Variants in PRKD3 observed in about 807,000 individuals in gnomAD.
The protein encoded by PRKD3 is serine/threonine-protein kinase D3.
Under a neutral mutation model 99.2 loss-of-function variants are expected in PRKD3, and 47 were observed. The ratio of observed to expected loss-of-function variants is 0.47; its 90% confidence interval spans 0.38 to 0.60. The LOEUF (loss-of-function observed/expected upper bound fraction) is 0.60. Among genes scored for constraint, PRKD3 ranks in the 20% least tolerant of loss-of-function variants. PRKD3 has a pLI of 0.00. For missense variants in PRKD3, 1,019 were observed against 1,088.4 expected, an observed-to-expected ratio of 0.94 and a Z score of 0.90; for synonymous variants, 392 against 355.4, an observed-to-expected ratio of 1.10 and a Z score of -1.16.
At chr2:37,293,303 C>A (rs996359718) in intron 2 of PRKD3, 32 bp from the exon 3 acceptor site, 1 of 1,491,328 alleles carries the variant, frequency 6.7e-7, no homozygotes, top group Non-Finnish European at 9.1e-7. Flanking sequence ...TCAGTATGAC[C>A]ACAGTTTTCT....
chr2:37,275,090 A>G (rs1280040080), intron 10 of PRKD3, among the ~76,000 whole-genome samples: 1 of 152,212 alleles, frequency 6.6e-6, no homozygotes, highest in African/African-American at 2.4e-5. Context: ...AATGGCAGAA[A>G]AAGCAGAATC....
intron 2 of PRKD3, 143 bp from the exon 3 acceptor site, chr2:37,293,414 A>G: frequency 1.4e-6 from 1 of 718,826 alleles, no homozygotes; most frequent in Non-Finnish European, 2.0e-6. Context: ...CTAAAAGGTG[A>G]TCCACGTACT....
chr2:37,261,123 G>T (rs1313362862), intron 14 of PRKD3, among the ~76,000 whole-genome samples: 1 of 152,166 alleles, frequency 6.6e-6, no homozygotes, highest in African/African-American at 2.4e-5. Context: ...CCTGGTTTCA[G>T]TCTTCCAATT....
intron 2 of PRKD3, among the ~76,000 whole-genome samples, chr2:37,313,331 A>G (rs1671525389): frequency 7.9e-6 from 1 of 126,544 alleles, no homozygotes; most frequent in Admixed American, 8.9e-5. Flanking sequence ...CATTAGCGGA[A>G]TTGATGAAAA....
intron 2 of PRKD3, among the ~76,000 whole-genome samples, chr2:37,303,119 T>A (rs1223097510): frequency 6.6e-6 from 1 of 152,066 alleles, no homozygotes; most frequent in African/African-American, 2.4e-5. Context: ...GACTTGACAT[T>A]GGAGGGACAG....
At chr2:37,261,285 G>A (rs974515316) in intron 14 of PRKD3, among the ~76,000 whole-genome samples, 2 of 151,858 alleles carry the variant, frequency 1.3e-5, no homozygotes, top group South Asian at 2.1e-4. Flanking sequence ...TCAGGAGTTC[G>A]AGACCAGCGT....
chr2:37,253,119 C>A lies in PRKD3; in HGVS notation c.*58G>T. The A allele has an allele frequency of 6.7e-7, 1 of 1,487,614 alleles. No homozygotes were observed. The highest frequency in any genetic ancestry group is 1.3e-5 in the South Asian group (1 of 77,822). 92.2% of individuals were successfully genotyped at this position (1,487,614 alleles called of 1,614,324 possible). On this transcript the variant is annotated 3_prime_UTR_variant, in exon 19 of 19. Transcript: ENST00000234179. ...ATGACAATCTACAAAGAACAAGTTA[C>A]ACAGCAAAATATCAGTCCATAAAAT... is the stretch of plus-strand genomic sequence containing the variant.
rs1242687258 is a variant in PRKD3, at chr2:37,260,682, T to TA, written c.1885-299dup. Among the ~76,000 whole-genome samples the TA allele has an allele frequency of 2.0e-5, 3 of 152,324 alleles. No individual in the cohort carries two copies. In the East Asian group the frequency reaches 5.8e-4, roughly 29 times the overall value. On this transcript the variant is annotated intron_variant, in intron 14 of 18. Transcript: ENST00000234179. ...TCACTTGAAAAATCTGACACTGCTC[T>TA]AATTTCATGCTTTCCCTGAATAGGC...
chr2:37,252,753 TG>T lies in PRKD3; in HGVS notation c.*423del, dbSNP rs1298941929. ...TACAAGCCTGTCGAGTAATCAATCT[TG>T]TAAGTCTTGTATAATTTAGCCAAGC... On this transcript the variant is annotated 3_prime_UTR_variant, in exon 19 of 19. Transcript: ENST00000234179. 6.6e-6 allele frequency: 1 copy of T among 151,708 alleles called. No homozygotes were observed. The highest frequency in any genetic ancestry group is 1.9e-4 in the East Asian group (1 of 5,178). 9.4% of individuals were successfully genotyped at this position (151,708 alleles called of 1,614,324 possible). A position where few individuals can be genotyped will look rare whatever the true frequency, so the allele number is the denominator to read the frequency against.
rs1019764965 is a variant in PRKD3, at chr2:37,252,511, G to C, written c.*666C>G. 1 of 152,132 alleles carries C rather than the reference G, an allele frequency of 6.6e-6. No individual in the cohort carries two copies. The highest frequency in any genetic ancestry group is 1.5e-5 in the Non-Finnish European group (1 of 68,018). The allele number at this position is 152,132 out of a possible 1,614,324, so 9.4% of individuals were successfully genotyped here. ...CACAGAAGGTGACAATCCTTATGCTGTATAGAACATATTCAGAGTAGCAGA... is the reference window on the plus strand; with the variant it reads ...CACAGAAGGTGACAATCCTTATGCTCTATAGAACATATTCAGAGTAGCAGA... On this transcript the variant is annotated 3_prime_UTR_variant, in exon 19 of 19. Transcript: ENST00000234179.
At chr2:37,314,813 G>A (rs1463000468) in intron 2 of PRKD3, among the ~76,000 whole-genome samples, 3 of 152,038 alleles carry the variant, frequency 2.0e-5, no homozygotes, top group Non-Finnish European at 4.4e-5. Context: ...TTGCAAAAGT[G>A]TTTGAAAACA....
intron 2 of PRKD3, among the ~76,000 whole-genome samples, chr2:37,312,832 C>T (rs2124895453): frequency 6.6e-6 from 1 of 152,264 alleles, no homozygotes; most frequent in East Asian, 1.9e-4. Context: ...TGACCAGAGG[C>T]TTGCAGGAAC....
chr2:37,258,072 A>T (rs2251879), intron 16 of PRKD3, among the ~76,000 whole-genome samples: 87,714 of 151,990 alleles, frequency 0.58, 25,676 homozygotes, highest in African/African-American at 0.66. Context: ...CATGCTGAAC[A>T]AGCAAATGCC....
intron 5 of PRKD3, among the ~76,000 whole-genome samples, chr2:37,288,962 G>C (rs1311022815): frequency 1.3e-5 from 2 of 151,976 alleles, no homozygotes; most frequent in Non-Finnish European, 2.9e-5. Flanking sequence ...GCTGAGGCAG[G>C]AGAATTGCTT....
At chr2:37,299,375 C>G (rs1489225627) in intron 2 of PRKD3, among the ~76,000 whole-genome samples, 1 of 152,036 alleles carries the variant, frequency 6.6e-6, no homozygotes, top group Non-Finnish European at 1.5e-5. Context: ...AAGGGGGTCA[C>G]ATCAAGCTAA....
chr2:37,309,949 A>G (rs1215491477), intron 2 of PRKD3, among the ~76,000 whole-genome samples: 1 of 152,140 alleles, frequency 6.6e-6, no homozygotes, highest in Non-Finnish European at 1.5e-5. Context: ...GCAGCCCAAG[A>G]ACAGAAGATA....
At chr2:37,278,496 T>C (rs1669682287) in intron 8 of PRKD3, 1 of 152,324 alleles carries the variant, frequency 6.6e-6, no homozygotes, top group South Asian at 2.1e-4. Context: ...TTACAGATAC[T>C]AATTAAGAAA....
intron 2 of PRKD3, among the ~76,000 whole-genome samples, chr2:37,314,770 G>C (rs948234886): frequency 6.6e-6 from 1 of 152,002 alleles, no homozygotes; most frequent in Non-Finnish European, 1.5e-5. Flanking sequence ...ATGTATTTAA[G>C]TTTAAAAATT....
At chr2:37,295,753 A>ATATCAC (rs1403192708) in intron 2 of PRKD3, among the ~76,000 whole-genome samples, 2 of 152,234 alleles carry the variant, frequency 1.3e-5, no homozygotes, top group Admixed American at 6.5e-5. Flanking sequence ...CCAGTGATTT[A>ATATCAC]TATCACTAAT....
Sources: gnomAD v4.1 joint callset for allele counts (sites outside exome capture counted in the v4.1 genomes callset) on GRCh38, gnomAD v4.1.1 for gene constraint, MANE v1.5 for transcripts, NCBI Gene and HGNC (gene_info 2026-07-23, HGNC 2026-07-21) for gene names.